The following ZFHX3 variants were observed in gnomAD, a reference collection of about 807,000 sequenced individuals.
ZFHX3 encodes zinc finger homeobox protein 3.
ZFHX3 carries 42 observed loss-of-function variants against 279.1 expected under a neutral mutation model. The ratio of observed to expected loss-of-function variants is 0.15; its 90% confidence interval spans 0.12 to 0.19. ZFHX3 has a LOEUF of 0.19. Ranked by LOEUF, ZFHX3 falls within the 10% of genes least tolerant of loss-of-function variation. ZFHX3 has a pLI of 1.00. For synonymous variants in ZFHX3, 2,293 were observed against 1,957.8 expected (o/e 1.17, Z -4.52); for missense variants, 4,981 against 4,754.0 (o/e 1.05, Z -1.40).
chr16:73,574,974 T>G (rs953782223), intron 2 of ZFHX3, among the ~76,000 whole-genome samples: 2 of 152,192 alleles, frequency 1.3e-5, no homozygotes, highest in African/African-American at 4.8e-5. Flanking sequence ...CATCTTTAAG[T>G]GTTTAACTTT....
intron 3 of ZFHX3, among the ~76,000 whole-genome samples, chr16:73,442,785 GGCT>G (rs1461806482): frequency 6.6e-6 from 1 of 152,140 alleles, no homozygotes. Flanking sequence ...CAGGCATAAG[GGCT>G]GCTGTCTGTT....
chr16:73,121,631 T>TC (rs1966501029), intron 7 of ZFHX3, among the ~76,000 whole-genome samples: 1 of 151,820 alleles, frequency 6.6e-6, no homozygotes, highest in East Asian at 1.9e-4. Flanking sequence ...TTTTTTTTTT[T>TC]TTGAGATGGA....
chr16:73,374,071 G>T (rs2016679889), intron 3 of ZFHX3, among the ~76,000 whole-genome samples: 1 of 152,164 alleles, frequency 6.6e-6, no homozygotes. Context: ...CAGCCCTTCT[G>T]CAGGTCCATC....
intron 5 of ZFHX3, among the ~76,000 whole-genome samples, chr16:72,819,404 C>T (rs1253998305): frequency 3.3e-5 from 5 of 152,190 alleles, no homozygotes; most frequent in African/African-American, 1.2e-4. Context: ...AGATCGCAGC[C>T]TTGAGGTTCA....
At chr16:73,500,297 C>T (rs946972377) in intron 2 of ZFHX3, 1 of 151,010 alleles carries the variant, frequency 6.6e-6, no homozygotes, top group Non-Finnish European at 1.5e-5. Flanking sequence ...TGTTTGTGCC[C>T]TACTTGGGTT....
intron 4 of ZFHX3, among the ~76,000 whole-genome samples, chr16:73,292,519 A>T (rs1461354164): frequency 1.3e-5 from 2 of 152,240 alleles, no homozygotes; most frequent in Non-Finnish European, 2.9e-5. Flanking sequence ...ATGAAAACTC[A>T]AAATATGTAA....
intron 2 of ZFHX3, among the ~76,000 whole-genome samples, chr16:73,539,078 C>T (rs777674359): frequency 1.3e-5 from 2 of 151,992 alleles, no homozygotes; most frequent in Non-Finnish European, 2.9e-5. Context: ...TTTAAATTCC[C>T]ACTAAAAACA....
At chr16:72,965,733 T>A (rs1429793573) in intron 1 of ZFHX3, among the ~76,000 whole-genome samples, 2 of 152,004 alleles carry the variant, frequency 1.3e-5, no homozygotes, top group Non-Finnish European at 2.9e-5. Flanking sequence ...AGTCACAATG[T>A]CAGAGTGACT....
chr16:73,620,537 T>C (rs8055766), intron 2 of ZFHX3, among the ~76,000 whole-genome samples: 144,370 of 152,254 alleles, frequency 0.95, 68,627 homozygotes, highest in East Asian at 1. Flanking sequence ...TTTGAATAAA[T>C]GTGAACCCAC....
At chr16:73,358,799 AC>A (rs2016386948) in intron 3 of ZFHX3, among the ~76,000 whole-genome samples, 4 of 152,354 alleles carry the variant, frequency 2.6e-5, no homozygotes, top group Admixed American at 2.6e-4. Flanking sequence ...AAGTCAGACC[AC>A]CAGGATCTGA....
chr16:73,059,524 T>TTCTCTCTCTCTCTCTCTCTCTCTCTCTC (rs61284759), exon 1 of ZFHX3: 5 of 103,240 alleles, frequency 4.8e-5, no homozygotes, highest in Admixed American at 1.2e-4. Context: ...ATTTTCCCCT[T>TTCTCTCTCTCTCTCTCTCTCTCTCTCTC]TCTCTCTCTC....
At chr16:73,524,557 G>C (rs913651335) in intron 2 of ZFHX3, among the ~76,000 whole-genome samples, 8 of 152,168 alleles carry the variant, frequency 5.3e-5, no homozygotes, top group African/African-American at 1.9e-4. Context: ...GCATGTTCTT[G>C]ATTCTCACGT....
At chr16:72,949,482 A>G (rs923789903) in intron 3 of ZFHX3, among the ~76,000 whole-genome samples, 3 of 152,234 alleles carry the variant, frequency 2.0e-5, no homozygotes, top group Non-Finnish European at 4.4e-5. Context: ...AAGTCCAGTG[A>G]AAATCAATAG....
intron 2 of ZFHX3, among the ~76,000 whole-genome samples, chr16:73,657,649 A>G (rs538808020): frequency 3.9e-5 from 6 of 152,164 alleles, no homozygotes; most frequent in African/African-American, 9.6e-5. Flanking sequence ...TATTTATTTT[A>G]TATCTATATA....
chr16:73,806,098 C>T (rs1960269106), intron 1 of ZFHX3, among the ~76,000 whole-genome samples: 1 of 152,172 alleles, frequency 6.6e-6, no homozygotes, highest in African/African-American at 2.4e-5. Flanking sequence ...AAGGGGGAAG[C>T]CCCCTATAAA....
intron 6 of ZFHX3, among the ~76,000 whole-genome samples, chr16:73,143,369 A>G (rs956462008): frequency 6.6e-6 from 1 of 152,054 alleles, no homozygotes; most frequent in African/African-American, 2.4e-5. Flanking sequence ...GGGAAGATTG[A>G]CAAAGATAAC....
chr16:73,606,248 C>G (rs2052181596), intron 2 of ZFHX3, among the ~76,000 whole-genome samples: 1 of 146,874 alleles, frequency 6.8e-6, no homozygotes, highest in African/African-American at 2.6e-5. Flanking sequence ...TGGCTCACGC[C>G]TGTAATCCCA....
chr16:73,799,188 C>T (rs1217470483), intron 1 of ZFHX3, among the ~76,000 whole-genome samples: 3 of 152,158 alleles, frequency 2.0e-5, no homozygotes, highest in Non-Finnish European at 4.4e-5. Context: ...TTCCACCTCC[C>T]CGACCCTCAA....
intron 2 of ZFHX3, among the ~76,000 whole-genome samples, chr16:73,581,803 T>G (rs1015175113): frequency 1.3e-5 from 2 of 150,804 alleles, no homozygotes; most frequent in Admixed American, 1.3e-4. Context: ...CCCAAGTAGC[T>G]GGACTATAGG....
Sources: gnomAD v4.1 joint callset for allele counts (sites outside exome capture counted in the v4.1 genomes callset) on GRCh38, gnomAD v4.1.1 for gene constraint, MANE v1.5 for transcripts, NCBI Gene and HGNC (gene_info 2026-07-23, HGNC 2026-07-21) for gene names.